The following PDSS2 variants were observed in gnomAD, a reference collection of about 807,000 sequenced individuals.
PDSS2 encodes decaprenyl diphosphate synthase subunit 2, also known as all trans-polyprenyl-diphosphate synthase PDSS2.
PDSS2 carries 31 observed loss-of-function variants against 44.5 expected under a neutral mutation model. The observed-to-expected ratio is 0.70, with a 90% confidence interval of 0.52 to 0.94. The LOEUF is 0.94. Ranked by LOEUF, PDSS2 falls within the 40% of genes least tolerant of loss-of-function variation. PDSS2 has a pLI of 0.00. For missense variants in PDSS2, 452 were observed against 482.2 expected (o/e 0.94, Z 0.59); for synonymous variants, 157 against 180.3 (o/e 0.87, Z 1.03).
chr6:107,417,778 T>TACAC (rs59602150), intron 1 of PDSS2, among the ~76,000 whole-genome samples: 1,954 of 147,022 alleles, frequency 0.013, 18 homozygotes, highest in African/African-American at 0.022. Flanking sequence ...TTAATAATAA[T>TACAC]ACACACACAC....
chr6:107,365,203 T>C (rs964687554), intron 1 of PDSS2, among the ~76,000 whole-genome samples: 7 of 152,094 alleles, frequency 4.6e-5, no homozygotes, highest in African/African-American at 1.7e-4. Context: ...TTATAATATA[T>C]AGAAATATAT....
At chr6:107,449,337 T>C (rs559159101) in intron 1 of PDSS2, among the ~76,000 whole-genome samples, 2 of 152,344 alleles carry the variant, frequency 1.3e-5, no homozygotes, top group East Asian at 3.9e-4. Context: ...CCATTTTAAG[T>C]GTACAGCTCA....
At chr6:107,340,087 T>G (rs1028890872) in intron 1 of PDSS2, among the ~76,000 whole-genome samples, 2 of 151,558 alleles carry the variant, frequency 1.3e-5, no homozygotes, top group Non-Finnish European at 2.9e-5. Context: ...ACTAGAGATG[T>G]ACCAAACCTA....
At chr6:107,245,919 T>C (rs1410450620) in intron 3 of PDSS2, among the ~76,000 whole-genome samples, 1 of 152,226 alleles carries the variant, frequency 6.6e-6, no homozygotes, top group Non-Finnish European at 1.5e-5. Context: ...AGATAACTAA[T>C]GAAATCTTAA....
chr6:107,361,821 G>A (rs1778783593), intron 1 of PDSS2, among the ~76,000 whole-genome samples: 1 of 152,220 alleles, frequency 6.6e-6, no homozygotes, highest in African/African-American at 2.4e-5. Flanking sequence ...CATTAGAACT[G>A]CTGAACTTCA....
intron 1 of PDSS2, among the ~76,000 whole-genome samples, chr6:107,395,417 A>G (rs993036429): frequency 2.0e-5 from 3 of 152,036 alleles, no homozygotes; most frequent in Non-Finnish European, 4.4e-5. Context: ...CATTTTTTAA[A>G]CCACTTGATA....
At chr6:107,241,665 GAGA>G (rs982836013) in intron 4 of PDSS2, among the ~76,000 whole-genome samples, 2 of 152,118 alleles carry the variant, frequency 1.3e-5, no homozygotes, top group African/African-American at 4.8e-5. Flanking sequence ...ACTTCTTTTG[GAGA>G]AGGTGACTTC....
At chr6:107,346,398 A>G (rs970083726) in intron 1 of PDSS2, among the ~76,000 whole-genome samples, 2 of 152,224 alleles carry the variant, frequency 1.3e-5, no homozygotes, top group African/African-American at 2.4e-5. Flanking sequence ...GTTGATCAGG[A>G]TACTGAGGCT....
intron 1 of PDSS2, among the ~76,000 whole-genome samples, chr6:107,426,794 G>A (rs761864351): frequency 1.1e-4 from 16 of 152,114 alleles, no homozygotes; most frequent in South Asian, 2.1e-4. Flanking sequence ...CATGAGGCCT[G>A]TAGCCCCTTT....
At position 107,193,863 on chromosome 6, in the gene PDSS2, G is replaced by C. The variant is rs754039700; in HGVS notation, c.1009-9C>G. 1.3e-6 allele frequency: 2 copies of C among 1,564,042 alleles called. No homozygotes were observed. The highest frequency in any genetic ancestry group is 2.7e-5 in the African/African-American group (2 of 73,862). The stretch of plus-strand genomic sequence containing the variant: ...CTTCCTTTTTCTTGAGCCTACAAAA[G>C]AAGAGGGGAAAATTAATTTGTTACT... On this transcript the variant is annotated splice_polypyrimidine_tract_variant and intron_variant, in intron 6 of 7. Coordinates refer to ENST00000369037, the MANE Select transcript of PDSS2 (RefSeq NM_020381.4).
chr6:107,376,118 T>C (rs770162758), intron 1 of PDSS2, among the ~76,000 whole-genome samples: 4 of 152,204 alleles, frequency 2.6e-5, no homozygotes, highest in Non-Finnish European at 4.4e-5. Flanking sequence ...TCCATTGATT[T>C]ATATTTCTGT....
chr6:107,309,593 G>A (rs1265117091), intron 2 of PDSS2, among the ~76,000 whole-genome samples: 3 of 152,198 alleles, frequency 2.0e-5, no homozygotes, highest in Admixed American at 2.0e-4. Flanking sequence ...GAGTGCTGGT[G>A]AAGCCCTGGT....
At chr6:107,324,809 A>G (rs1777487959) in intron 2 of PDSS2, among the ~76,000 whole-genome samples, 2 of 152,158 alleles carry the variant, frequency 1.3e-5, no homozygotes. Flanking sequence ...ATTTCTTAAG[A>G]TGTTTTTTGA....
intron 3 of PDSS2, among the ~76,000 whole-genome samples, chr6:107,254,030 T>C (rs1033020149): frequency 6.7e-6 from 1 of 149,502 alleles, no homozygotes; most frequent in African/African-American, 2.5e-5. Flanking sequence ...TTTCTTTCTT[T>C]CTTTCTTTTT....
intron 1 of PDSS2, among the ~76,000 whole-genome samples, chr6:107,367,505 C>T (rs959564548): frequency 1.3e-5 from 2 of 152,246 alleles, no homozygotes; most frequent in Middle Eastern, 3.4e-3. Flanking sequence ...AAATTTAGGC[C>T]GGGCACAGTG....
chr6:107,282,512 C>T (rs563294807), intron 2 of PDSS2, among the ~76,000 whole-genome samples: 2 of 151,978 alleles, frequency 1.3e-5, no homozygotes, highest in African/African-American at 4.8e-5. Flanking sequence ...CCTGTCTCAG[C>T]CTCCTGAGTG....
At chr6:107,416,522 C>T (rs533433645) in intron 1 of PDSS2, among the ~76,000 whole-genome samples, 15 of 152,276 alleles carry the variant, frequency 9.9e-5, no homozygotes, top group Admixed American at 4.6e-4. Context: ...ACTAAGATAG[C>T]TTACTATAAT....
intron 7 of PDSS2, among the ~76,000 whole-genome samples, chr6:107,170,562 G>C (rs1322439071): frequency 2.6e-5 from 4 of 151,626 alleles, no homozygotes; most frequent in Non-Finnish European, 5.9e-5. Flanking sequence ...GCTCACGCTG[G>C]GAGCTGTAGA....
At chr6:107,405,442 G>A (rs148669977) in intron 1 of PDSS2, among the ~76,000 whole-genome samples, 1 of 151,734 alleles carries the variant, frequency 6.6e-6, no homozygotes, top group African/African-American at 2.4e-5. Context: ...AAAAAAAAGA[G>A]AGAGAAACAA....
Sources: gnomAD v4.1 joint callset for allele counts (sites outside exome capture counted in the v4.1 genomes callset) on GRCh38, gnomAD v4.1.1 for gene constraint, MANE v1.5 for transcripts, NCBI Gene and HGNC (gene_info 2026-07-23, HGNC 2026-07-21) for gene names.